ARHGEF33: variants seen among roughly 807,000 people sequenced by gnomAD.
ARHGEF33 encodes the protein DH and coiled-coil domain-containing protein ENSP00000381780.
A neutral mutation model predicts 101.9 loss-of-function variants in ARHGEF33; 72 were observed. The observed-to-expected ratio is 0.71, with a 90% CI of 0.58 to 0.86. The LOEUF is 0.86. Ranked by LOEUF, ARHGEF33 falls within the 40% of genes least tolerant of loss-of-function variation. ARHGEF33 has a pLI of 0.00. For synonymous variants in ARHGEF33, 499 were observed against 442.5 expected, an observed-to-expected ratio of 1.13 and a Z score of -1.60; for missense variants, 1,169 against 1,111.3, an observed-to-expected ratio of 1.05 and a Z score of -0.74.
chr2:38,957,186 C>T (rs984132684), intron 14 of ARHGEF33, 139 bp downstream of exon 14: 1 of 1,080,670 alleles, frequency 9.3e-7, no homozygotes, highest in Non-Finnish European at 1.3e-6. Context: ...AGAGAAAGAG[C>T]TAGTCAGACT....
chr2:38,935,893 T>TATCTTCCCTGCTTCCACTTCC, intron 8 of ARHGEF33, 59 bp downstream of exon 8: 1 of 1,336,984 alleles, frequency 7.5e-7, no homozygotes, highest in South Asian at 1.3e-5. Context: ...TTTCCACTTC[T>TATCTTCCCTGCTTCCACTTCC]ATCTTCCCTG....
rs1667867630 is a variant in ARHGEF33 at position 38,959,838 on chromosome 2, A to C, written c.1536-3A>C. The C allele has an allele frequency of 1.3e-6, 2 of 1,543,166 alleles. No homozygotes were observed. The highest frequency in any genetic ancestry group is 1.4e-5 in the African/African-American group (1 of 72,794). On this transcript the variant is annotated splice_polypyrimidine_tract_variant and splice_region_variant and intron_variant, in intron 15 of 17. Transcript: ENST00000409978. ...TCTTTTGTACTCTGTTTTCCCCCTA[A>C]AGACATCTGATGCCCCCAGTGAAGA...
Position 38,906,547 on chromosome 2 carries a change from G to A in ARHGEF33, c.-86+10698G>A, listed in dbSNP as rs570693389. 1.3e-4 allele frequency among the ~76,000 whole-genome samples: 20 copies of A among 152,286 alleles called. No homozygotes were observed. The South Asian group carries it at 4.1e-3, about 32-fold the overall frequency. ...TCTAGGGAGGGCATGTATGAGGTAA[G>A]CTGGAATTATAAAAGAAATAATCAA... On this transcript the variant is annotated intron_variant, in intron 2 of 17. Transcript: ENST00000409978.
intron 15 of ARHGEF33, among the ~76,000 whole-genome samples, chr2:38,958,603 T>A (rs962468700): frequency 6.6e-6 from 1 of 152,234 alleles, no homozygotes; most frequent in Non-Finnish European, 1.5e-5. Flanking sequence ...AGAATTCAAA[T>A]GAGGTCAATA....
At chr2:38,912,003 C>T (rs1666518896) in intron 2 of ARHGEF33, among the ~76,000 whole-genome samples, 1 of 152,202 alleles carries the variant, frequency 6.6e-6, no homozygotes, top group African/African-American at 2.4e-5. Flanking sequence ...TGGTGGCTTC[C>T]TCTCTCCACT....
At chr2:38,937,312 C>CGGGGGGGGGGGGGGGGGGGGGGGGGGGGG (rs1667167006) in intron 8 of ARHGEF33, 23 bp from the exon 9 acceptor site, 109 of 583,310 alleles carry the variant, frequency 1.9e-4, no homozygotes, top group Middle Eastern at 4.4e-4. Flanking sequence ...TTTGTTTCCC[C>CGGGGGGGGGGGGGGGGGGGGGGGGGGGGG]GCCCCTCCCC....
rs371309714 is a variant in ARHGEF33 at position 38,960,564 on chromosome 2, C to A, written c.2259C>A (p.Ala753=). ...AGGCGCACGGCCCGGCCGCCGCCGC[C>A]GTCGCCGCCCGCGGCGCATCCAGGA... ...AAQAHGPAAA[A]VAARGASRTF... Residue 753 remains alanine (A), a synonymous_variant, in exon 16 of 18, where the codon GCC becomes GCA. Coordinates refer to ENST00000409978, the MANE Select transcript of ARHGEF33 (RefSeq NM_001145451.5). 2.2e-5 allele frequency: 28 copies of A among 1,273,286 alleles called. No homozygotes were observed. The East Asian group carries it at 1.0e-3, about 48-fold the overall frequency. 78.9% of individuals were successfully genotyped at this position (1,273,286 alleles called of 1,614,324 possible).
chr2:38,954,276 G>A (rs1341131488), intron 12 of ARHGEF33, 97 bp from the exon 13 acceptor site: 2 of 709,180 alleles, frequency 2.8e-6, no homozygotes, highest in African/African-American at 1.8e-5. Flanking sequence ...AAAATGCTCT[G>A]GGAGGAAACC....
intron 11 of ARHGEF33, among the ~76,000 whole-genome samples, chr2:38,952,792 G>A (rs997560404): frequency 1.3e-5 from 2 of 151,682 alleles, no homozygotes; most frequent in Admixed American, 6.6e-5. Flanking sequence ...TCTGCCTCCC[G>A]GGTTCATGCC....
At chr2:38,951,428 G>A (rs1019213696) in intron 11 of ARHGEF33, among the ~76,000 whole-genome samples, 6 of 152,016 alleles carry the variant, frequency 3.9e-5, no homozygotes, top group African/African-American at 1.5e-4. Context: ...TACGCATGTC[G>A]ATGTGTGTAT....
At chr2:38,908,017 C>A (rs902722745) in intron 2 of ARHGEF33, among the ~76,000 whole-genome samples, 3 of 151,674 alleles carry the variant, frequency 2.0e-5, no homozygotes, top group Non-Finnish European at 4.4e-5. Context: ...TGCCAACATG[C>A]CTGGCTAATT....
chr2:38,943,009 C>A (rs539405910), intron 9 of ARHGEF33, among the ~76,000 whole-genome samples: 1 of 152,278 alleles, frequency 6.6e-6, no homozygotes, highest in East Asian at 1.9e-4. Flanking sequence ...CTCACTGCAA[C>A]CTCCGCCTCC....
At chr2:38,955,715 C>T (rs1341198076) in intron 13 of ARHGEF33, among the ~76,000 whole-genome samples, 1 of 151,218 alleles carries the variant, frequency 6.6e-6, no homozygotes, top group Non-Finnish European at 1.5e-5. Context: ...CTCACTCTGT[C>T]GCCCAGGCTG....
intron 15 of ARHGEF33, among the ~76,000 whole-genome samples, chr2:38,958,907 G>A (rs1667842964): frequency 1.3e-5 from 2 of 152,024 alleles, no homozygotes; most frequent in Non-Finnish European, 2.9e-5. Context: ...ACCATGCCCG[G>A]CTAATTTTTG....
At chr2:38,958,793 T>C (rs1396941703) in intron 15 of ARHGEF33, among the ~76,000 whole-genome samples, 1 of 152,216 alleles carries the variant, frequency 6.6e-6, no homozygotes, top group Non-Finnish European at 1.5e-5. Context: ...GGGATTCTCC[T>C]GCCTCAGCCT....
rs1245444581 is a variant in ARHGEF33, at chr2:38,954,311, C to G, written c.1138-62C>G. Reference sequence around the variant, plus strand: ...CCTTCCTACCCTGGTGGGACTGATTCGAGGTTCTGCTGCCACAGCTGGAGG... The same window carrying G: ...CCTTCCTACCCTGGTGGGACTGATTGGAGGTTCTGCTGCCACAGCTGGAGG... On this transcript the variant is annotated intron_variant, in intron 12 of 17. Coordinates refer to ENST00000409978, the MANE Select transcript of ARHGEF33 (RefSeq NM_001145451.5). 4 of 988,322 alleles carry G rather than the reference C, an allele frequency of 4.0e-6. No individual in the cohort carries two copies. The Admixed American group carries it at 6.0e-5, about 15-fold the overall frequency. The allele number at this position is 988,322 out of a possible 1,614,324, so 61.2% of individuals were successfully genotyped here.
chr2:38,969,465 T>C (rs766133468), intron 17 of ARHGEF33: 63 of 169,210 alleles, frequency 3.7e-4, no homozygotes, highest in Non-Finnish European at 7.5e-4. Context: ...AAGCTAGGCA[T>C]GGAGCCAGAT....
intron 2 of ARHGEF33, among the ~76,000 whole-genome samples, chr2:38,903,506 A>G (rs2124981359): frequency 6.6e-6 from 1 of 152,280 alleles, no homozygotes; most frequent in East Asian, 1.9e-4. Flanking sequence ...ATCCAGGAGC[A>G]GATGAATGGC....
At chr2:38,941,788 G>A (rs1482488836) in intron 9 of ARHGEF33, among the ~76,000 whole-genome samples, 3 of 152,014 alleles carry the variant, frequency 2.0e-5, no homozygotes, top group East Asian at 3.9e-4. Flanking sequence ...CTCGTGATCC[G>A]CCCACCCCGG....
Sources: allele counts gnomAD v4.1 joint callset (sites outside exome capture counted in the v4.1 genomes callset), GRCh38; gene constraint gnomAD v4.1.1; transcripts MANE v1.5; gene names NCBI Gene and HGNC (gene_info 2026-07-23, HGNC 2026-07-21).